The following ACOXL variants were observed in gnomAD, a reference collection of about 807,000 sequenced individuals.
ACOXL encodes the protein acyl-CoA oxidase like, also known as acyl-coenzyme A oxidase-like protein.
In ACOXL, 70 loss-of-function variants were observed where a neutral mutation model predicts 71.9. The observed-to-expected ratio is 0.97, with a 90% CI of 0.80 to 1.19. ACOXL has a LOEUF of 1.19. ACOXL is among the 50% of genes most tolerant of loss of function. ACOXL has a pLI of 0.00. For synonymous variants in ACOXL, 253 were observed against 281.6 expected, an observed-to-expected ratio of 0.90 and a Z score of 1.02; for missense variants, 703 against 736.3, an observed-to-expected ratio of 0.95 and a Z score of 0.52.
chr2:110,801,524 C>A, intron 7 of ACOXL, 128 bp from the exon 8 acceptor site: 1 of 775,232 alleles, frequency 1.3e-6, no homozygotes, highest in Non-Finnish European at 2.1e-6. Context: ...TGTCCACCCC[C>A]AAGGAAAAAG....
chr2:110,762,240 T>G (rs1359053240), intron 1 of ACOXL, among the ~76,000 whole-genome samples: 1 of 152,198 alleles, frequency 6.6e-6, no homozygotes, highest in Non-Finnish European at 1.5e-5. Flanking sequence ...TCACTATATC[T>G]GAAATGGATT....
At chr2:110,918,701 A>T (rs1424525845) in intron 11 of ACOXL, among the ~76,000 whole-genome samples, 3 of 152,248 alleles carry the variant, frequency 2.0e-5, no homozygotes, top group Non-Finnish European at 4.4e-5. Flanking sequence ...AAACAAATTT[A>T]GAAGAAAAAA....
chr2:111,018,254 G>T (rs553501159), intron 14 of ACOXL, among the ~76,000 whole-genome samples: 17 of 152,194 alleles, frequency 1.1e-4, no homozygotes, highest in Admixed American at 1.0e-3. Context: ...GAGGGAGGAG[G>T]CACATACCGT....
intron 12 of ACOXL, among the ~76,000 whole-genome samples, chr2:110,981,137 T>C (rs1017465217): frequency 6.6e-6 from 1 of 151,714 alleles, no homozygotes; most frequent in Admixed American, 6.6e-5. Context: ...CTGAGGCGGG[T>C]GGATCACTTG....
At chr2:110,912,830 G>A (rs1484120940) in intron 11 of ACOXL, among the ~76,000 whole-genome samples, 3 of 152,098 alleles carry the variant, frequency 2.0e-5, no homozygotes, top group Admixed American at 2.0e-4. Flanking sequence ...CACAGAATAG[G>A]AGAAAGTATT....
At chr2:111,002,168 A>G (rs1267539916) in intron 14 of ACOXL, among the ~76,000 whole-genome samples, 1 of 152,230 alleles carries the variant, frequency 6.6e-6, no homozygotes, top group Non-Finnish European at 1.5e-5. Flanking sequence ...GACAGCCAGC[A>G]ACTGGACTGT....
At chr2:110,830,126 C>T (rs1417935868) in intron 9 of ACOXL, among the ~76,000 whole-genome samples, 1 of 152,104 alleles carries the variant, frequency 6.6e-6, no homozygotes, top group East Asian at 1.9e-4. Flanking sequence ...CATATTTTTT[C>T]TTTAGTAGAT....
intron 9 of ACOXL, among the ~76,000 whole-genome samples, chr2:110,838,744 T>C (rs925604831): frequency 9.2e-5 from 14 of 152,214 alleles, no homozygotes; most frequent in African/African-American, 3.4e-4. Flanking sequence ...TTGGACCCAG[T>C]GTATTCTGTG....
intron 16 of ACOXL, among the ~76,000 whole-genome samples, chr2:111,060,862 A>C (rs990736922): frequency 2.0e-5 from 3 of 152,234 alleles, no homozygotes; most frequent in African/African-American, 7.2e-5. Context: ...GAACTGAAAA[A>C]TATAACAACT....
At chr2:111,068,703 G>A (rs557168384) in intron 16 of ACOXL, among the ~76,000 whole-genome samples, 2 of 152,260 alleles carry the variant, frequency 1.3e-5, no homozygotes, top group African/African-American at 4.8e-5. Flanking sequence ...TAATCCAGAT[G>A]GTCACCGACG....
At chr2:110,980,832 T>C (rs1188075458) in intron 12 of ACOXL, among the ~76,000 whole-genome samples, 1 of 152,238 alleles carries the variant, frequency 6.6e-6, no homozygotes, top group Non-Finnish European at 1.5e-5. Context: ...TGAAAGCCTT[T>C]GTTGCTGCTA....
At chr2:111,061,617 A>G (rs2066818266) in intron 16 of ACOXL, among the ~76,000 whole-genome samples, 1 of 152,164 alleles carries the variant, frequency 6.6e-6, no homozygotes, top group Non-Finnish European at 1.5e-5. Flanking sequence ...CTCCTTTTGA[A>G]TTTTCTCAAT....
intron 16 of ACOXL, among the ~76,000 whole-genome samples, chr2:111,077,214 T>C (rs1431185557): frequency 6.6e-6 from 1 of 152,218 alleles, no homozygotes. Flanking sequence ...ACTATATCTC[T>C]TTGCATATGT....
chr2:111,016,108 A>ATT (rs34690566), intron 14 of ACOXL, among the ~76,000 whole-genome samples: 60,401 of 149,674 alleles, frequency 0.4, 12,330 homozygotes, highest in African/African-American at 0.47. Context: ...AATTTTTTTA[A>ATT]TTTTTTTTTT....
chr2:110,832,507 C>T (rs908604853), intron 9 of ACOXL, among the ~76,000 whole-genome samples: 1 of 147,798 alleles, frequency 6.8e-6, no homozygotes, highest in Non-Finnish European at 1.5e-5. Context: ...CACTGCAGTC[C>T]GCAGTCCGGC....
chr2:110,832,053 C>T (rs1689894110), intron 9 of ACOXL, among the ~76,000 whole-genome samples: 1 of 152,104 alleles, frequency 6.6e-6, no homozygotes. Context: ...TAAAATCATC[C>T]AGGTGAGAAT....
intron 10 of ACOXL, among the ~76,000 whole-genome samples, chr2:110,880,622 T>G (rs1452141234): frequency 6.6e-6 from 1 of 152,206 alleles, no homozygotes; most frequent in African/African-American, 2.4e-5. Flanking sequence ...CATACAACTG[T>G]GGCAATTTAA....
chr2:110,746,656 C>T (rs903859874), intron 1 of ACOXL, among the ~76,000 whole-genome samples: 5 of 152,056 alleles, frequency 3.3e-5, no homozygotes, highest in Non-Finnish European at 5.9e-5. Flanking sequence ...TGCACAGTCA[C>T]GCTCCACCAT....
intron 13 of ACOXL, among the ~76,000 whole-genome samples, chr2:110,993,129 T>C (rs1467520053): frequency 6.6e-6 from 1 of 152,250 alleles, no homozygotes; most frequent in African/African-American, 2.4e-5. Context: ...TAACTACAGT[T>C]ACATATTTAG....
Sources: allele counts gnomAD v4.1 joint callset (sites outside exome capture counted in the v4.1 genomes callset), GRCh38; gene constraint gnomAD v4.1.1; transcripts MANE v1.5; gene names NCBI Gene and HGNC (gene_info 2026-07-23, HGNC 2026-07-21).